Variants in VWA8 observed in about 807,000 individuals in gnomAD.
The protein encoded by VWA8 is von Willebrand factor A domain containing 8.
VWA8 carries 221 observed loss-of-function variants against 241.5 expected under a neutral mutation model. That is an observed-to-expected ratio of 0.91 (90% CI 0.82 to 1.02). The LOEUF (loss-of-function observed/expected upper bound fraction) is 1.02. VWA8 is among the 50% of genes least tolerant of loss of function. The pLI, the probability that VWA8 is intolerant of heterozygous loss-of-function variation, is 0.00. For missense variants in VWA8, 2,322 were observed against 2,328.7 expected (o/e 1.00, Z 0.06); for synonymous variants, 852 against 827.1 (o/e 1.03, Z -0.52).
intron 3 of VWA8, among the ~76,000 whole-genome samples, chr13:41,910,767 G>A (rs954352147): frequency 6.6e-6 from 1 of 152,112 alleles, no homozygotes; most frequent in Non-Finnish European, 1.5e-5. Context: ...AAATGAGCTA[G>A]TGCGAGTTAG....
intron 2 of VWA8, among the ~76,000 whole-genome samples, chr13:41,914,060 G>T (rs1270536211): frequency 6.6e-6 from 1 of 152,178 alleles, no homozygotes; most frequent in African/African-American, 2.4e-5. Context: ...TGGCCCACAT[G>T]GCGAAGCCTG....
chr13:41,672,055 A>G (rs2045029378), intron 36 of VWA8, among the ~76,000 whole-genome samples: 6 of 152,184 alleles, frequency 3.9e-5, no homozygotes, highest in Admixed American at 3.9e-4. Context: ...TTCCACTGTC[A>G]GGAAGAAAGG....
chr13:41,917,129 T>G (rs1202297950), intron 2 of VWA8, among the ~76,000 whole-genome samples: 1 of 152,190 alleles, frequency 6.6e-6, no homozygotes, highest in Non-Finnish European at 1.5e-5. Context: ...TTAAAGTAAT[T>G]TTATCATAGT....
chr13:41,896,188 A>G (rs1875100847), intron 4 of VWA8, among the ~76,000 whole-genome samples: 1 of 152,084 alleles, frequency 6.6e-6, no homozygotes, highest in Non-Finnish European at 1.5e-5. Flanking sequence ...ACTCTCTCGC[A>G]CTGTTGGAAA....
intron 17 of VWA8, among the ~76,000 whole-genome samples, chr13:41,797,676 T>C (rs11842139): frequency 0.15 from 23,397 of 152,198 alleles, 1,897 homozygotes; most frequent in Non-Finnish European, 0.19. Context: ...TTGTTCATCT[T>C]CTTCATCCCC....
chr13:41,787,579 T>G, intron 17 of VWA8, 36 bp from the exon 18 acceptor site: 1 of 1,358,206 alleles, frequency 7.4e-7, no homozygotes, highest in Admixed American at 1.7e-5. Context: ...GGAAATGGCT[T>G]AAGTCAAAGC....
intron 17 of VWA8, among the ~76,000 whole-genome samples, chr13:41,806,591 T>G (rs887014360): frequency 2.0e-5 from 3 of 152,018 alleles, no homozygotes; most frequent in Non-Finnish European, 4.4e-5. Context: ...TAGTCCCAGC[T>G]GCTTGGGAGG....
chr13:41,876,476 C>T (rs576463080), intron 9 of VWA8, among the ~76,000 whole-genome samples: 1 of 152,190 alleles, frequency 6.6e-6, no homozygotes, highest in South Asian at 2.1e-4. Flanking sequence ...TCCCTTCTGT[C>T]TGAAATACTT....
intron 2 of VWA8, among the ~76,000 whole-genome samples, chr13:41,938,200 T>C (rs899755095): frequency 6.6e-6 from 1 of 151,304 alleles, no homozygotes. Flanking sequence ...ATCAAAAATA[T>C]TGAATCCTTC....
chr13:41,804,629 A>G (rs749698085), intron 17 of VWA8, among the ~76,000 whole-genome samples: 1 of 152,190 alleles, frequency 6.6e-6, no homozygotes, highest in African/African-American at 2.4e-5. Context: ...ATGTCATAAC[A>G]TTTATTTGTA....
chr13:41,703,287 T>C lies in VWA8; in HGVS notation c.3225+16A>G. ...TAAGGTTCAATATTTTAAGAGAGAATAATGATGATATCAACCTTTATGTCT... is the reference window on the plus strand; with the variant it reads ...TAAGGTTCAATATTTTAAGAGAGAACAATGATGATATCAACCTTTATGTCT... On this transcript the variant is annotated intron_variant, in intron 27 of 44. Transcript: ENST00000379310. The C allele has an allele frequency of 6.3e-7, 1 of 1,597,390 alleles. No individual in the cohort carries two copies. The highest frequency in any genetic ancestry group is 8.6e-7 in the Non-Finnish European group (1 of 1,165,206).
chr13:41,959,606 C>CTTTTTTT (rs1168629617), intron 1 of VWA8, among the ~76,000 whole-genome samples: 1,605 of 79,500 alleles, frequency 0.02, 240 homozygotes, highest in African/African-American at 0.065. Flanking sequence ...CCTAAATATG[C>CTTTTTTT]TTTTTTTTTT....
chr13:41,603,239 C>T (rs1253797976), intron 40 of VWA8, among the ~76,000 whole-genome samples: 2 of 152,136 alleles, frequency 1.3e-5, no homozygotes, highest in African/African-American at 4.8e-5. Context: ...CAAAACTGGA[C>T]ACTGTTTTCC....
chr13:41,647,453 T>C (rs2044839028), intron 37 of VWA8, among the ~76,000 whole-genome samples: 1 of 152,192 alleles, frequency 6.6e-6, no homozygotes, highest in Non-Finnish European at 1.5e-5. Context: ...AAAAGACTTA[T>C]TTGAAAAAAA....
chr13:41,615,916 C>T (rs1198491207), intron 37 of VWA8, among the ~76,000 whole-genome samples: 1 of 152,206 alleles, frequency 6.6e-6, no homozygotes, highest in Non-Finnish European at 1.5e-5. Flanking sequence ...TGAGCCTGCT[C>T]TCAGATGCAA....
intron 21 of VWA8, among the ~76,000 whole-genome samples, chr13:41,732,939 C>T (rs929207940): frequency 2.6e-5 from 4 of 152,194 alleles, no homozygotes; most frequent in Admixed American, 6.5e-5. Flanking sequence ...AATTTTGTAT[C>T]TTTGCCTTCT....
chr13:41,817,601 A>G (rs915563468), intron 15 of VWA8, among the ~76,000 whole-genome samples: 2 of 152,210 alleles, frequency 1.3e-5, no homozygotes, highest in African/African-American at 4.8e-5. Flanking sequence ...TATTCTTTAA[A>G]TCAATCCTAT....
intron 9 of VWA8, among the ~76,000 whole-genome samples, chr13:41,882,960 A>C (rs892257941): frequency 1.3e-5 from 2 of 152,194 alleles, no homozygotes; most frequent in African/African-American, 4.8e-5. Context: ...CTATTTGTTC[A>C]TATATATTGT....
intron 38 of VWA8, among the ~76,000 whole-genome samples, chr13:41,612,694 T>C (rs951404252): frequency 6.6e-6 from 1 of 152,230 alleles, no homozygotes; most frequent in South Asian, 2.1e-4. Flanking sequence ...CCTGTTTCTT[T>C]TGTTCATTCA....
Sources: allele counts gnomAD v4.1 joint callset (sites outside exome capture counted in the v4.1 genomes callset), GRCh38; gene constraint gnomAD v4.1.1; transcripts MANE v1.5; gene names NCBI Gene and HGNC (gene_info 2026-07-23, HGNC 2026-07-21).